Variants in ECPAS observed in about 807,000 individuals in gnomAD.
The protein encoded by ECPAS is proteasome adapter and scaffold protein ECM29.
ECPAS carries 70 observed loss-of-function variants against 255.1 expected under a neutral mutation model. That is an observed-to-expected ratio of 0.27 (90% CI 0.23 to 0.33). ECPAS has a LOEUF of 0.33. Ranked by LOEUF, ECPAS falls within the 10% of genes least tolerant of loss-of-function variation. ECPAS has a pLI of 1.00. For missense variants in ECPAS, 1,817 were observed against 2,206.4 expected (o/e 0.82, Z 3.54); for synonymous variants, 784 against 775.0 (o/e 1.01, Z -0.19).
At chr9:111,376,597 C>T in intron 36 of ECPAS, 56 bp from the exon 37 acceptor site, 3 of 1,280,060 alleles carry the variant, frequency 2.3e-6, no homozygotes, top group South Asian at 2.5e-5. Context: ...GAATAATCCG[C>T]ACAAACACCC....
chr9:111,399,435 G>A (rs1438846548), intron 24 of ECPAS, among the ~76,000 whole-genome samples: 1 of 152,202 alleles, frequency 6.6e-6, no homozygotes, highest in Non-Finnish European at 1.5e-5. Flanking sequence ...GTGTGCTTGG[G>A]TGAAGCAGAG....
intron 5 of ECPAS, among the ~76,000 whole-genome samples, chr9:111,441,328 A>T (rs1319132127): frequency 1.3e-5 from 2 of 152,020 alleles, no homozygotes; most frequent in East Asian, 3.9e-4. Flanking sequence ...ACATGGTAAA[A>T]CCCCATCTCT....
intron 7 of ECPAS, among the ~76,000 whole-genome samples, chr9:111,435,781 G>A (rs1412339035): frequency 3.4e-5 from 5 of 148,638 alleles, no homozygotes; most frequent in South Asian, 2.1e-4. Flanking sequence ...CTGGGTTCAC[G>A]CCATTCTCCC....
intron 3 of ECPAS, among the ~76,000 whole-genome samples, chr9:111,449,567 T>A (rs1470910646): frequency 3.3e-5 from 5 of 151,824 alleles, no homozygotes; most frequent in Non-Finnish European, 7.4e-5. Context: ...TTAAAGTAGA[T>A]GGACAGAGAT....
At chr9:111,420,447 G>A (rs2098211805) in intron 15 of ECPAS, among the ~76,000 whole-genome samples, 3 of 151,566 alleles carry the variant, frequency 2.0e-5, no homozygotes, top group South Asian at 2.1e-4. Context: ...TTGGGACCAC[G>A]GTCACTGTGA....
intron 1 of ECPAS, among the ~76,000 whole-genome samples, chr9:111,476,007 A>G (rs2098295819): frequency 6.6e-6 from 1 of 152,146 alleles, no homozygotes; most frequent in South Asian, 2.1e-4. Flanking sequence ...CTCATCCTCT[A>G]AAAGAGCTAC....
intron 24 of ECPAS, among the ~76,000 whole-genome samples, chr9:111,407,790 G>A (rs942878442): frequency 6.6e-6 from 1 of 152,164 alleles, no homozygotes; most frequent in South Asian, 2.1e-4. Flanking sequence ...TACTTAGTCT[G>A]CCAATATTTA....
chr9:111,384,292 T>A (rs956773920), intron 34 of ECPAS, among the ~76,000 whole-genome samples: 7 of 152,178 alleles, frequency 4.6e-5, no homozygotes, highest in Admixed American at 2.6e-4. Context: ...TAAGTCGAAG[T>A]TTTATCTTAA....
chr9:111,432,041 TATA>T (rs1286624720), intron 8 of ECPAS, among the ~76,000 whole-genome samples: 1 of 152,190 alleles, frequency 6.6e-6, no homozygotes, highest in East Asian at 1.9e-4. Flanking sequence ...TTGGCAAATA[TATA>T]ATATTCCATA....
intron 1 of ECPAS, among the ~76,000 whole-genome samples, chr9:111,481,485 G>C (rs968799555): frequency 1.3e-5 from 2 of 152,002 alleles, no homozygotes; most frequent in African/African-American, 4.8e-5. Context: ...CAGTCTGGGC[G>C]ACAGAGCAAG....
Position 111,361,930 on chromosome 9 carries a change from T to C in ECPAS, c.*100A>G. On this transcript the variant is annotated 3_prime_UTR_variant, in exon 50 of 50. Coordinates refer to ENST00000684092, the MANE Select transcript of ECPAS (RefSeq NM_001364929.1). Reference sequence around the variant, plus strand: ...ATTTCAGCCAAGGAATGATGCATGCTACAGATTAATCTTTACTTTTTCCCA... The same window carrying C: ...ATTTCAGCCAAGGAATGATGCATGCCACAGATTAATCTTTACTTTTTCCCA... 7.3e-7 allele frequency: 1 copy of C among 1,372,546 alleles called. No homozygotes were observed. Among genetic ancestry groups the C allele is most frequent in the African/African-American group, 1.5e-5 (1 of 68,518 alleles). The allele number at this position is 1,372,546 out of a possible 1,614,324, so 85.0% of individuals were successfully genotyped here.
At chr9:111,438,405 C>A (rs145484152) in intron 6 of ECPAS, among the ~76,000 whole-genome samples, 1 of 151,786 alleles carries the variant, frequency 6.6e-6, no homozygotes, top group African/African-American at 2.4e-5. Flanking sequence ...GTGGGAGGAT[C>A]GCTTGAGTCC....
chr9:111,440,389 G>A lies in ECPAS; in HGVS notation c.522C>T (p.Val174=), dbSNP rs1479255969. 2 of 1,611,680 alleles carry A rather than the reference G, an allele frequency of 1.2e-6. No individual in the cohort carries two copies. The highest frequency in any genetic ancestry group is 1.7e-5 in the Admixed American group (1 of 59,760). Residue 174 remains valine (V), a synonymous_variant, in exon 6 of 50, where the codon GTC becomes GTT. Coordinates refer to ENST00000684092, the MANE Select transcript of ECPAS (RefSeq NM_001364929.1). ...TAACTCACCCATAAGGCATCAGAAG[G>A]ACATCTAGCATGAAGTCCAAAAGCA... is the stretch of plus-strand genomic sequence containing the variant. ...VQLLLDFMLD[V]LLMPYGYVLN... is the part of the protein sequence containing the mutation.
chr9:111,427,053 G>A (rs1245672877), intron 10 of ECPAS, among the ~76,000 whole-genome samples: 2 of 151,632 alleles, frequency 1.3e-5, no homozygotes, highest in South Asian at 2.1e-4. Context: ...TTAGCTACTC[G>A]GGAGGCTGAG....
chr9:111,476,700 T>C (rs2098296712), intron 1 of ECPAS, among the ~76,000 whole-genome samples: 1 of 151,702 alleles, frequency 6.6e-6, no homozygotes, highest in South Asian at 2.1e-4. Flanking sequence ...TCTCACTCTG[T>C]CACCCAGGCT....
At chr9:111,428,858 G>A (rs1223559019) in intron 9 of ECPAS, among the ~76,000 whole-genome samples, 3 of 151,972 alleles carry the variant, frequency 2.0e-5, no homozygotes, top group African/African-American at 7.3e-5. Context: ...TGGCTCCCTT[G>A]TCCTTATATG....
chr9:111,416,266 T>G lies in ECPAS; in HGVS notation c.1764+6A>C. Reference sequence around the variant, plus strand: ...AAAAGTAAATAGAAATATATGAAAGTTCTACCTCTCCAAAGGCTGCTGGGT... The same window carrying G: ...AAAAGTAAATAGAAATATATGAAAGGTCTACCTCTCCAAAGGCTGCTGGGT... On this transcript the variant is annotated splice_donor_region_variant and intron_variant, in intron 18 of 49. Coordinates refer to ENST00000684092, the MANE Select transcript of ECPAS (RefSeq NM_001364929.1). 1.2e-6 allele frequency: 2 copies of G among 1,604,516 alleles called. No individual in the cohort carries two copies. The highest frequency in any genetic ancestry group is 1.7e-6 in the Non-Finnish European group (2 of 1,171,358).
chr9:111,435,974 C>T (rs562580769), intron 7 of ECPAS, among the ~76,000 whole-genome samples: 1 of 150,676 alleles, frequency 6.6e-6, no homozygotes, highest in Admixed American at 6.6e-5. Flanking sequence ...AGGCATTAGC[C>T]ACTGCGCCCG....
At chr9:111,392,972 T>A in intron 27 of ECPAS, 90 bp from the exon 28 acceptor site, 1 of 680,118 alleles carries the variant, frequency 1.5e-6, no homozygotes, top group Non-Finnish European at 2.6e-6. Context: ...ATGTTGACAC[T>A]GACCCAAAAT....
Sources: allele counts gnomAD v4.1 joint callset (sites outside exome capture counted in the v4.1 genomes callset), GRCh38; gene constraint gnomAD v4.1.1; transcripts MANE v1.5; gene names NCBI Gene and HGNC (gene_info 2026-07-23, HGNC 2026-07-21).